Variants in PTPRR observed in about 807,000 individuals in gnomAD.
PTPRR encodes the protein receptor-type tyrosine-protein phosphatase R.
In PTPRR, 38 loss-of-function variants were observed where a neutral mutation model predicts 77.2. The observed-to-expected ratio is 0.49, with a 90% confidence interval of 0.38 to 0.65. The LOEUF (loss-of-function observed/expected upper bound fraction) is 0.65, where lower values mean the gene tolerates loss of function less well. Ranked by LOEUF, PTPRR falls within the 30% of genes least tolerant of loss-of-function variation. The probability of loss-of-function intolerance (pLI) is 0.00; values close to 1 mark genes in which losing one functional copy is unlikely to be tolerated. For missense variants in PTPRR, 744 were observed against 799.2 expected (o/e 0.93, Z 0.83); for synonymous variants, 299 against 283.1 (o/e 1.06, Z -0.57).
intron 2 of PTPRR, among the ~76,000 whole-genome samples, chr12:70,795,792 C>G (rs1001153312): frequency 3.5e-4 from 53 of 151,732 alleles, no homozygotes; most frequent in African/African-American, 1.2e-3. Flanking sequence ...GATGTGCATA[C>G]TTTACGGTGT....
intron 2 of PTPRR, among the ~76,000 whole-genome samples, chr12:70,828,079 A>G (rs1177763810): frequency 6.6e-6 from 1 of 152,150 alleles, no homozygotes; most frequent in South Asian, 2.1e-4. Context: ...TCATGACTTG[A>G]TCACCTACCA....
chr12:70,690,735 G>A (rs1035273141), intron 8 of PTPRR, among the ~76,000 whole-genome samples: 5 of 152,150 alleles, frequency 3.3e-5, no homozygotes, highest in South Asian at 2.1e-4. Flanking sequence ...GGTTAGATTC[G>A]TTTAGTGCTA....
chr12:70,843,017 A>T (rs764125656), intron 2 of PTPRR, among the ~76,000 whole-genome samples: 1 of 152,192 alleles, frequency 6.6e-6, no homozygotes, highest in Non-Finnish European at 1.5e-5. Flanking sequence ...TCAAGTTTGG[A>T]AAAGTATTTT....
chr12:70,671,146 C>T (rs945468350), intron 10 of PTPRR, among the ~76,000 whole-genome samples: 2 of 152,124 alleles, frequency 1.3e-5, no homozygotes, highest in Non-Finnish European at 2.9e-5. Flanking sequence ...AAAGTTGGCA[C>T]ATTTTTGGTA....
chr12:70,832,415 ATAT>A (rs1443643964), intron 2 of PTPRR, among the ~76,000 whole-genome samples: 1 of 152,212 alleles, frequency 6.6e-6, no homozygotes, highest in East Asian at 1.9e-4. Context: ...TAATTTTAAA[ATAT>A]TATGGATAAA....
chr12:70,859,189 G>A (rs951652300), intron 2 of PTPRR, among the ~76,000 whole-genome samples: 4 of 151,932 alleles, frequency 2.6e-5, no homozygotes, highest in Non-Finnish European at 5.9e-5. Context: ...TGGTTGTTAA[G>A]GGGAGAAGAG....
At chr12:70,757,568 C>A (rs1316534183) in intron 4 of PTPRR, among the ~76,000 whole-genome samples, 3 of 151,934 alleles carry the variant, frequency 2.0e-5, no homozygotes, top group Non-Finnish European at 4.4e-5. Context: ...AATGACTAAA[C>A]AAGAACAGTT....
intron 2 of PTPRR, among the ~76,000 whole-genome samples, chr12:70,783,351 G>C (rs1022317174): frequency 6.6e-6 from 1 of 152,034 alleles, no homozygotes; most frequent in African/African-American, 2.4e-5. Context: ...GCAGAGAGGA[G>C]GCCCTGGAGA....
At chr12:70,674,717 G>A (rs150829925) in intron 10 of PTPRR, among the ~76,000 whole-genome samples, 3,159 of 152,148 alleles carry the variant, frequency 0.021, 61 homozygotes, top group Admixed American at 0.038. Flanking sequence ...TGATTGGAAG[G>A]TTCTATATAT....
chr12:70,749,980 T>C (rs1430737138), intron 5 of PTPRR, among the ~76,000 whole-genome samples: 1 of 152,228 alleles, frequency 6.6e-6, no homozygotes, highest in Non-Finnish European at 1.5e-5. Flanking sequence ...TCTTAGTAAG[T>C]TTCTTTCATC....
intron 13 of PTPRR, among the ~76,000 whole-genome samples, chr12:70,646,881 G>A (rs1434499325): frequency 3.9e-5 from 6 of 151,974 alleles, no homozygotes; most frequent in African/African-American, 1.2e-4. Context: ...CAAAAAATAT[G>A]TTGGGGACAT....
Position 70,638,941 on chromosome 12 carries a change from A to C in PTPRR, c.*243T>G. The C allele has an allele frequency of 1.9e-6, 1 of 513,058 alleles. No individual in the cohort carries two copies. The highest frequency in any genetic ancestry group is 2.4e-5 in the South Asian group (1 of 42,142). 31.8% of individuals were successfully genotyped at this position (513,058 alleles called of 1,614,324 possible). A position where few individuals can be genotyped will look rare whatever the true frequency, so the allele number is the denominator to read the frequency against. On this transcript the variant is annotated 3_prime_UTR_variant, in exon 14 of 14. Coordinates refer to ENST00000283228, the MANE Select transcript of PTPRR (RefSeq NM_002849.4). Reference sequence around the variant, plus strand: ...AAAATCTGCCTTAGGCTGTGTGATAAACCTATCATACCTCCATCATCAAAA... The same window carrying C: ...AAAATCTGCCTTAGGCTGTGTGATACACCTATCATACCTCCATCATCAAAA...
At chr12:70,696,131 C>G (rs1888224519) in intron 8 of PTPRR, among the ~76,000 whole-genome samples, 1 of 151,742 alleles carries the variant, frequency 6.6e-6, no homozygotes, top group Admixed American at 6.6e-5. Flanking sequence ...GCCAAAACTC[C>G]AACTATATCT....
chr12:70,659,838 C>A (rs551193533), intron 12 of PTPRR, among the ~76,000 whole-genome samples: 13 of 151,956 alleles, frequency 8.6e-5, no homozygotes, highest in African/African-American at 3.1e-4. Flanking sequence ...GAGACCTATG[C>A]GGTTAAACAA....
chr12:70,888,341 A>G (rs1893277445), intron 2 of PTPRR, among the ~76,000 whole-genome samples: 1 of 152,162 alleles, frequency 6.6e-6, no homozygotes, highest in African/African-American at 2.4e-5. Flanking sequence ...TCACATGGTC[A>G]ATAATATTTT....
chr12:70,901,767 T>C (rs1049040808), intron 1 of PTPRR, among the ~76,000 whole-genome samples: 7 of 151,648 alleles, frequency 4.6e-5, no homozygotes, highest in Non-Finnish European at 8.9e-5. Context: ...ACTTAATCAT[T>C]AATTTAATTA....
At chr12:70,728,897 T>C (rs1438520979) in intron 6 of PTPRR, among the ~76,000 whole-genome samples, 1 of 152,046 alleles carries the variant, frequency 6.6e-6, no homozygotes, top group East Asian at 1.9e-4. Context: ...GTAAGAGCTG[T>C]TGGAATACTA....
intron 1 of PTPRR, among the ~76,000 whole-genome samples, chr12:70,917,424 C>T (rs193196573): frequency 2.6e-5 from 4 of 152,250 alleles, no homozygotes; most frequent in African/African-American, 9.6e-5. Context: ...TACTCTAGAT[C>T]TTCATTTTCT....
chr12:70,648,253 C>A (rs1475211132), intron 13 of PTPRR, among the ~76,000 whole-genome samples: 4 of 152,094 alleles, frequency 2.6e-5, no homozygotes, highest in Admixed American at 6.6e-5. Flanking sequence ...AAAAACCCAC[C>A]CTTTTCCTAG....
Sources: allele counts gnomAD v4.1 joint callset (sites outside exome capture counted in the v4.1 genomes callset), GRCh38; gene constraint gnomAD v4.1.1; transcripts MANE v1.5; gene names NCBI Gene and HGNC (gene_info 2026-07-23, HGNC 2026-07-21).